SWT1: variants seen among roughly 807,000 people sequenced by gnomAD.
SWT1 encodes the protein transcriptional protein SWT1.
Under a neutral mutation model 107.3 loss-of-function variants are expected in SWT1, and 33 were observed. The observed-to-expected ratio is 0.31, with a 90% CI of 0.23 to 0.41. SWT1 has a LOEUF of 0.41. Ranked by LOEUF, SWT1 falls within the 10% of genes least tolerant of loss-of-function variation. SWT1 has a pLI of 1.00. For synonymous variants in SWT1, 345 were observed against 348.3 expected (o/e 0.99, Z 0.11); for missense variants, 898 against 1,028.9 (o/e 0.87, Z 1.74).
chr1:185,202,405 A>C (rs1364185890), intron 10 of SWT1, among the ~76,000 whole-genome samples: 1 of 152,108 alleles, frequency 6.6e-6, no homozygotes, highest in East Asian at 1.9e-4. Context: ...AATGGGGGTA[A>C]AGTTAATACT....
intron 10 of SWT1, among the ~76,000 whole-genome samples, chr1:185,195,493 T>C (rs894630313): frequency 4.6e-5 from 7 of 152,250 alleles, no homozygotes; most frequent in Non-Finnish European, 1.5e-5. Flanking sequence ...GCATGACTTA[T>C]AATCCTTTGG....
At chr1:185,183,438 G>A (rs1452011243) in intron 7 of SWT1, among the ~76,000 whole-genome samples, 1 of 151,870 alleles carries the variant, frequency 6.6e-6, no homozygotes, top group Non-Finnish European at 1.5e-5. Context: ...CTACAGGCGT[G>A]TGCCACCATG....
intron 16 of SWT1, among the ~76,000 whole-genome samples, chr1:185,237,081 A>C (rs1660937031): frequency 6.6e-6 from 1 of 152,228 alleles, no homozygotes; most frequent in African/African-American, 2.4e-5. Context: ...GGATGTGGAG[A>C]AATAGGAATG....
chr1:185,279,162 A>T (rs1482277686), intron 18 of SWT1, among the ~76,000 whole-genome samples: 10 of 152,230 alleles, frequency 6.6e-5, no homozygotes. Context: ...ATAGATTTTT[A>T]CAGATAATCC....
Position 185,276,729 on chromosome 1 carries a change from A to G in SWT1, c.2573+61A>G, listed in dbSNP as rs191334114. ...AACAAGCTTTTCCATATACAGCAGC[A>G]CTTGGTGGTGGTGGTGGTGGTGATG... On this transcript the variant is annotated intron_variant, in intron 18 of 18. Transcript: ENST00000367500. The G allele has an allele frequency of 4.5e-5, 39 of 872,164 alleles. No individual in the cohort carries two copies. In the African/African-American group the frequency reaches 6.7e-4, roughly 15 times the overall value. 54.0% of individuals were successfully genotyped at this position (872,164 alleles called of 1,614,324 possible). A position where few individuals can be genotyped will look rare whatever the true frequency, so the allele number is the denominator to read the frequency against.
intron 12 of SWT1, among the ~76,000 whole-genome samples, chr1:185,205,742 C>T (rs765511460): frequency 1.3e-5 from 2 of 152,098 alleles, no homozygotes; most frequent in African/African-American, 2.4e-5. Context: ...TTTGCCAGAA[C>T]GGTGCATTTG....
chr1:185,229,188 G>A (rs1558057760), intron 15 of SWT1, among the ~76,000 whole-genome samples: 1 of 152,164 alleles, frequency 6.6e-6, no homozygotes, highest in Non-Finnish European at 1.5e-5. Flanking sequence ...GGTGTGTACT[G>A]TGATAATCCA....
In SWT1 at chr1:185,257,382, C is replaced by G. The variant is rs546857141; in HGVS notation, c.2442-13941C>G. On this transcript the variant is annotated intron_variant, in intron 16 of 18. Coordinates refer to ENST00000367500, the MANE Select transcript of SWT1 (RefSeq NM_017673.7). ...ATGGAGGGCGCCCCTCCCCCAGCCTCGCTGCCGCCTTGCAGTTTGATCTCA... is the reference window on the plus strand; with the variant it reads ...ATGGAGGGCGCCCCTCCCCCAGCCTGGCTGCCGCCTTGCAGTTTGATCTCA... 5.9e-5 allele frequency among the ~76,000 whole-genome samples: 9 copies of G among 152,224 alleles called. No homozygotes were observed. The South Asian group carries it at 1.7e-3, about 28-fold the overall frequency.
intron 16 of SWT1, among the ~76,000 whole-genome samples, chr1:185,248,777 A>T (rs1008583394): frequency 9.5e-5 from 5 of 52,848 alleles, no homozygotes; most frequent in African/African-American, 6.9e-4. Flanking sequence ...GACTAAGCCA[A>T]AAAAAAAAAA....
intron 14 of SWT1, among the ~76,000 whole-genome samples, chr1:185,217,031 T>G (rs1659274374): frequency 1.3e-5 from 2 of 152,206 alleles, no homozygotes. Flanking sequence ...TAAGTTTCAT[T>G]TGCTACGTTA....
chr1:185,166,606 C>A lies in SWT1; in HGVS notation c.119C>A (p.Thr40Asn). 6.2e-7 allele frequency: 1 copy of A among 1,606,726 alleles called. No individual in the cohort carries two copies. Among genetic ancestry groups the A allele is most frequent in the Middle Eastern group, 1.7e-4 (1 of 6,028 alleles). Residue 40 changes from threonine to asparagine, a missense_variant, in exon 3 of 19, where the codon ACT (threonine) becomes AAT (asparagine). Thr to Asn is a moderately conservative substitution (Grantham distance 65). This residue lies in a region of SWT1 where 382 missense variants were observed against 362.4 expected (regional missense o/e 1.05). Transcript: ENST00000367500. ...GAGAGAAAAACCCCAGCAAGTTCTA[C>A]TAGTTCATCTTCTATAAGATCAGTT... ...KKERKTPASS[T>N]SSSSIRSVSS...
intron 4 of SWT1, 41 bp downstream of exon 4, chr1:185,168,439 TTA>T (rs776486333): frequency 3.1e-6 from 4 of 1,274,854 alleles, no homozygotes; most frequent in Admixed American, 6.1e-5. Flanking sequence ...TGGTTTAGAA[TTA>T]TGAGACTAAA....
intron 16 of SWT1, among the ~76,000 whole-genome samples, chr1:185,239,139 CAT>C (rs929493971): frequency 2.0e-5 from 3 of 151,972 alleles, no homozygotes; most frequent in South Asian, 2.1e-4. Flanking sequence ...TGAATGAAAA[CAT>C]ATTTGATAGA....
intron 3 of SWT1, among the ~76,000 whole-genome samples, chr1:185,166,910 A>G (rs150644440): frequency 3.3e-5 from 5 of 152,020 alleles, no homozygotes; most frequent in African/African-American, 1.2e-4. Context: ...GGTTTTATAT[A>G]TATATATTTT....
intron 16 of SWT1, among the ~76,000 whole-genome samples, chr1:185,245,207 C>G (rs1473616703): frequency 6.6e-6 from 1 of 152,144 alleles, no homozygotes; most frequent in Non-Finnish European, 1.5e-5. Context: ...TATCCTTACT[C>G]TGTAGCTTTT....
At position 185,268,149 on chromosome 1, in the gene SWT1, T is replaced by G. The variant is rs569747303; in HGVS notation, c.2442-3174T>G. On this transcript the variant is annotated intron_variant, in intron 16 of 18. Coordinates refer to ENST00000367500, the MANE Select transcript of SWT1 (RefSeq NM_017673.7). ...CAACCATCTTTCAAAATAACAAATTTTATCATATATCCTATAACATATATT... is the reference window on the plus strand; with the variant it reads ...CAACCATCTTTCAAAATAACAAATTGTATCATATATCCTATAACATATATT... Among the ~76,000 whole-genome samples, 350 of 152,302 alleles carry G rather than the reference T, an allele frequency of 2.3e-3. 3 individuals carry two copies. Among genetic ancestry groups the G allele is most frequent in the African/African-American group, 8.1e-3 (335 of 41,564 alleles).
chr1:185,201,404 G>A (rs569001919), intron 10 of SWT1, among the ~76,000 whole-genome samples: 1 of 152,320 alleles, frequency 6.6e-6, no homozygotes, highest in South Asian at 2.1e-4. Context: ...GAATCTCCTG[G>A]TCTGCGGGTT....
At chr1:185,188,810 A>G (rs1450024426) in intron 9 of SWT1, among the ~76,000 whole-genome samples, 1 of 152,198 alleles carries the variant, frequency 6.6e-6, no homozygotes, top group Admixed American at 6.5e-5. Context: ...ACCTTAAATT[A>G]TGATCTGGGT....
intron 17 of SWT1, among the ~76,000 whole-genome samples, chr1:185,276,354 A>G (rs755826270): frequency 2.6e-5 from 4 of 152,080 alleles, no homozygotes; most frequent in Non-Finnish European, 5.9e-5. Flanking sequence ...TTTGATCTCT[A>G]CTGTGTCTAG....
Sources: gnomAD v4.1 joint callset for allele counts (sites outside exome capture counted in the v4.1 genomes callset) on GRCh38, gnomAD v4.1.1 for gene constraint, gnomAD v4.1.1 regional missense constraint, MANE v1.5 for transcripts, NCBI Gene and HGNC (gene_info 2026-07-23, HGNC 2026-07-21) for gene names.